Variants in UNC5D observed in about 807,000 individuals in gnomAD.
The protein encoded by UNC5D is unc-5 netrin receptor D.
A neutral mutation model predicts 105.4 loss-of-function variants in UNC5D; 39 were observed. That is an observed-to-expected ratio of 0.37 (90% confidence interval 0.29 to 0.48). The LOEUF (loss-of-function observed/expected upper bound fraction) is 0.48, where lower values mean the gene tolerates loss of function less well. Among genes scored for constraint, UNC5D ranks in the 20% least tolerant of loss-of-function variants. The pLI is 0.98. For missense variants in UNC5D, 991 were observed against 1,202.4 expected (o/e 0.82, Z 2.60); for synonymous variants, 452 against 450.4 (o/e 1.00, Z -0.04).
chr8:35,637,307 A>G (rs1822442673), intron 4 of UNC5D, among the ~76,000 whole-genome samples: 1 of 152,178 alleles, frequency 6.6e-6, no homozygotes, highest in Non-Finnish European at 1.5e-5. Flanking sequence ...AACTAGGATC[A>G]ATTGTCATAC....
intron 1 of UNC5D, among the ~76,000 whole-genome samples, chr8:35,365,664 G>A (rs1000069024): frequency 6.7e-6 from 1 of 149,100 alleles, no homozygotes; most frequent in South Asian, 2.1e-4. Flanking sequence ...AGGCAGAGGA[G>A]ATGTAAGCTA....
At chr8:35,647,985 CATTA>C (rs1823164869) in intron 4 of UNC5D, among the ~76,000 whole-genome samples, 1 of 152,112 alleles carries the variant, frequency 6.6e-6, no homozygotes, top group East Asian at 1.9e-4. Flanking sequence ...ATAGTCAGGT[CATTA>C]ATTTCTTACT....
chr8:35,751,182 T>G (rs1232460537), intron 13 of UNC5D, among the ~76,000 whole-genome samples: 1 of 152,170 alleles, frequency 6.6e-6, no homozygotes, highest in Non-Finnish European at 1.5e-5. Context: ...GCTGTCTTAT[T>G]GCACTGAGTC....
intron 4 of UNC5D, among the ~76,000 whole-genome samples, chr8:35,621,501 A>G (rs774076312): frequency 2.6e-5 from 4 of 152,178 alleles, no homozygotes; most frequent in Non-Finnish European, 4.4e-5. Context: ...ATTGTGAGCT[A>G]GAATTCAAGG....
At chr8:35,697,938 T>G (rs562203871) in intron 7 of UNC5D, among the ~76,000 whole-genome samples, 1 of 152,084 alleles carries the variant, frequency 6.6e-6, no homozygotes, top group Non-Finnish European at 1.5e-5. Flanking sequence ...TTCTTAGTCA[T>G]CATAACAAAC....
intron 1 of UNC5D, among the ~76,000 whole-genome samples, chr8:35,393,337 G>T (rs1803900256): frequency 6.6e-6 from 1 of 151,402 alleles, no homozygotes; most frequent in Admixed American, 6.6e-5. Context: ...GTTTCACCGT[G>T]TTAGCCAGGA....
intron 16 of UNC5D, among the ~76,000 whole-genome samples, chr8:35,781,745 AG>A (rs776896595): frequency 2.6e-5 from 4 of 152,178 alleles, no homozygotes; most frequent in Non-Finnish European, 5.9e-5. Flanking sequence ...AAACTGTCAT[AG>A]GCTTATCCTG....
At chr8:35,291,107 G>T (rs1807032463) in intron 1 of UNC5D, among the ~76,000 whole-genome samples, 1 of 152,120 alleles carries the variant, frequency 6.6e-6, no homozygotes, top group African/African-American at 2.4e-5. Context: ...GAGTTTCTCA[G>T]AATTGCCTTG....
At chr8:35,649,488 T>C (rs1046495546) in intron 4 of UNC5D, among the ~76,000 whole-genome samples, 4 of 152,210 alleles carry the variant, frequency 2.6e-5, no homozygotes, top group South Asian at 4.1e-4. Context: ...GACCTTCATG[T>C]AGAAGTCTGG....
chr8:35,289,355 T>C (rs982454567), intron 1 of UNC5D, among the ~76,000 whole-genome samples: 3 of 152,186 alleles, frequency 2.0e-5, no homozygotes, highest in African/African-American at 7.2e-5. Context: ...CTGAAATACA[T>C]ATAGAAATTA....
chr8:35,705,537 G>A (rs913739344), intron 7 of UNC5D, among the ~76,000 whole-genome samples: 7 of 152,140 alleles, frequency 4.6e-5, no homozygotes, highest in Admixed American at 1.3e-4. Context: ...ATATTTATTT[G>A]CTGGTTCATT....
chr8:35,389,697 C>G (rs1803651444), intron 1 of UNC5D, among the ~76,000 whole-genome samples: 1 of 147,798 alleles, frequency 6.8e-6, no homozygotes, highest in African/African-American at 2.5e-5. Flanking sequence ...CCATAGTTTA[C>G]CTCCTTAATG....
chr8:35,745,844 T>C (rs1461628070), intron 11 of UNC5D, among the ~76,000 whole-genome samples: 1 of 152,184 alleles, frequency 6.6e-6, no homozygotes, highest in Non-Finnish European at 1.5e-5. Context: ...TAGTTCACAG[T>C]TGTTATTAGC....
chr8:35,542,242 T>C (rs1815329593), intron 1 of UNC5D, among the ~76,000 whole-genome samples: 1 of 152,206 alleles, frequency 6.6e-6, no homozygotes, highest in African/African-American at 2.4e-5. Context: ...CCGGCTGCTG[T>C]TCTGCATTAA....
Position 35,767,008 on chromosome 8 carries a change from G to C in UNC5D, c.2420G>C (p.Cys807Ser). The C allele has an allele frequency of 6.2e-7, 1 of 1,614,000 alleles. No homozygotes were observed. The highest frequency in any genetic ancestry group is 8.5e-7 in the Non-Finnish European group (1 of 1,179,952). Residue 807 changes from cysteine to serine, a missense_variant, in exon 15 of 17, where the codon TGC becomes TCC. Around this residue, in one of 3 missense-constraint regions of UNC5D, gnomAD observed 944 missense variants for 1,131.6 expected, o/e 0.83. Transcript: ENST00000404895. The part of the protein sequence containing the change: ...PTTTQLSCKI[C>S]IRQLKGHEQI... ...ACCACCCAGCTGTCCTGCAAAATCT[G>C]CATTCGGCAGCTCAAAGGCCATGAA...
At chr8:35,643,412 G>A (rs1294990605) in intron 4 of UNC5D, among the ~76,000 whole-genome samples, 2 of 152,060 alleles carry the variant, frequency 1.3e-5, no homozygotes, top group Non-Finnish European at 2.9e-5. Context: ...TGCCTCCTGG[G>A]TTCAAGCATT....
rs146587875 is a variant in UNC5D at position 35,750,608 on chromosome 8, T to C, written c.1962T>C (p.Ser654=). 3.1e-6 allele frequency: 5 copies of C among 1,614,174 alleles called. No homozygotes were observed. The highest frequency in any genetic ancestry group is 4.2e-6 in the Non-Finnish European group (5 of 1,180,018). The stretch of plus-strand genomic sequence containing the variant: ...AAGTGATGTCAGTGGAAGATGAATC[T>C]ACATCCTGTTACTGCCTTTTGGACC... The part of the protein sequence containing the change: ...WEEVMSVEDE[S]TSCYCLLDPF... The change falls in exon 13 of 17, where the codon TCT becomes TCC. Residue 654 remains serine, a synonymous_variant. Coordinates refer to ENST00000404895, the MANE Select transcript of UNC5D (RefSeq NM_080872.4).
chr8:35,264,843 T>C (rs530635826), intron 1 of UNC5D, among the ~76,000 whole-genome samples: 1 of 152,092 alleles, frequency 6.6e-6, no homozygotes, highest in African/African-American at 2.4e-5. Flanking sequence ...CCTGTGTACC[T>C]GAGATGTGTT....
intron 1 of UNC5D, among the ~76,000 whole-genome samples, chr8:35,252,725 G>A (rs1010024100): frequency 5.9e-5 from 9 of 152,096 alleles, no homozygotes; most frequent in African/African-American, 1.7e-4. Flanking sequence ...AGGAACATTC[G>A]TGTATGTGTC....
Sources: gnomAD v4.1 joint callset for allele counts (sites outside exome capture counted in the v4.1 genomes callset) on GRCh38, gnomAD v4.1.1 for gene constraint, gnomAD v4.1.1 regional missense constraint, MANE v1.5 for transcripts, NCBI Gene and HGNC (gene_info 2026-07-23, HGNC 2026-07-21) for gene names.